Variants in HMCN1 observed in about 807,000 individuals in gnomAD.
HMCN1 encodes the protein hemicentin 1, also known as hemicentin-1.
In HMCN1, 321 loss-of-function variants were observed where a neutral mutation model predicts 625.9. The observed-to-expected ratio is 0.51, with a 90% CI of 0.47 to 0.56. The LOEUF (loss-of-function observed/expected upper bound fraction) is 0.56. Among genes scored for constraint, HMCN1 ranks in the 20% least tolerant of loss-of-function variants. The pLI, the probability that HMCN1 is intolerant of heterozygous loss-of-function variation, is 0.00. For missense variants in HMCN1, 6,588 were observed against 6,887.3 expected, an observed-to-expected ratio of 0.96 and a Z score of 1.54; for synonymous variants, 2,425 against 2,417.6, an observed-to-expected ratio of 1.00 and a Z score of -0.09.
At position 186,082,867 on chromosome 1, in the gene HMCN1, T is replaced by C; in HGVS notation, c.8790T>C (p.Ile2930=). 1 of 1,569,182 alleles carries C rather than the reference T, an allele frequency of 6.4e-7. No individual in the cohort carries two copies. The highest frequency in any genetic ancestry group is 1.4e-5 in the African/African-American group (1 of 73,780). The change falls in exon 57 of 107, where the codon ATT becomes ATC. Residue 2930 remains isoleucine (I), a splice_region_variant and synonymous_variant. Transcript: ENST00000271588. ...KFLSNGRILQ[I]LNTQITDIGR... ...GAATTTCTTCATTTTTCCCTTAGAT[T>C]CTGAATACTCAAATAACAGATATCG...
intron 97 of HMCN1, among the ~76,000 whole-genome samples, chr1:186,159,815 C>T (rs532972042): frequency 5.9e-5 from 9 of 152,246 alleles, no homozygotes; most frequent in South Asian, 2.1e-4. Flanking sequence ...TTGCTGGATT[C>T]GGTTTGCCAG....
intron 1 of HMCN1, among the ~76,000 whole-genome samples, chr1:185,750,809 C>T (rs533377818): frequency 6.6e-6 from 1 of 151,102 alleles, no homozygotes; most frequent in East Asian, 2.0e-4. Flanking sequence ...TCTTTTCCTA[C>T]TGTTGAGTTT....
At chr1:185,863,612 T>C (rs1663004951) in intron 2 of HMCN1, among the ~76,000 whole-genome samples, 1 of 152,182 alleles carries the variant, frequency 6.6e-6, no homozygotes, top group South Asian at 2.1e-4. Flanking sequence ...TAAAATATAA[T>C]GTATAAAAGT....
Position 186,112,902 on chromosome 1 carries a change from G to T in HMCN1, c.11080G>T (p.Ala3694Ser), listed in dbSNP as rs971837941. The change falls in exon 72 of 107, where the codon GCC becomes TCC. Residue 3694 changes from alanine to serine, a missense_variant. Ala to Ser is a moderately conservative substitution (Grantham distance 99). Coordinates refer to ENST00000271588, the MANE Select transcript of HMCN1 (RefSeq NM_031935.3). ...LGDTANYTCVASNIAGKTTRE... is the reference protein window; with the variant it reads ...LGDTANYTCVSSNIAGKTTRE... ...TGATACAGCCAATTATACCTGTGTT[G>T]CCAGCAACATTGCAGGAAAGACTAC... 1.9e-6 allele frequency: 3 copies of T among 1,613,896 alleles called. No individual in the cohort carries two copies. The Admixed American group carries it at 5.0e-5, about 27-fold the overall frequency.
chr1:185,857,588 G>A (rs1164900222), intron 2 of HMCN1, among the ~76,000 whole-genome samples: 1 of 151,990 alleles, frequency 6.6e-6, no homozygotes, highest in East Asian at 1.9e-4. Context: ...AGAGGGGTGT[G>A]GGGGAGAGAT....
chr1:185,949,865 G>A (rs1268681752), intron 11 of HMCN1, among the ~76,000 whole-genome samples: 2 of 151,866 alleles, frequency 1.3e-5, no homozygotes, highest in African/African-American at 4.9e-5. Context: ...GAGGGGGCCT[G>A]AATAATCCCT....
chr1:186,174,593 T>C lies in HMCN1; in HGVS notation c.15894T>C (p.Cys5298=). The C allele has an allele frequency of 1.2e-6, 2 of 1,614,052 alleles. No individual in the cohort carries two copies. The highest frequency in any genetic ancestry group is 1.7e-6 in the Non-Finnish European group (2 of 1,179,910). The part of the protein sequence containing the change: ...ICENTRGSYR[C]VCPRGYRSQG... ...AGAATACAAGAGGCAGCTATCGTTGTGTATGCCCAAGAGGTTATCGGTCTC... is the reference window on the plus strand; with the variant it reads ...AGAATACAAGAGGCAGCTATCGTTGCGTATGCCCAAGAGGTTATCGGTCTC... The change falls in exon 103 of 107, where the codon TGT becomes TGC. Residue 5298 remains cysteine, a synonymous_variant. Transcript: ENST00000271588.
At position 185,981,026 on chromosome 1, in the gene HMCN1, A is replaced by G. The variant is rs1352471887; in HGVS notation, c.2615A>G (p.Gln872Arg). ...KGTYICEAEN[Q>R]FGKIQSETTV... ...ACCTATATTTGTGAAGCTGAAAACC[A>G]GTTTGGAAAGATCCAGTCAGAGACA... The change falls in exon 17 of 107, where the codon CAG (glutamine) becomes CGG (arginine). Residue 872 changes from glutamine to arginine, a missense_variant. Gln to Arg is a conservative substitution (Grantham distance 43). Transcript: ENST00000271588. 2 of 1,612,762 alleles carry G rather than the reference A, an allele frequency of 1.2e-6. No homozygotes were observed. The highest frequency in any genetic ancestry group is 1.7e-6 in the Non-Finnish European group (2 of 1,178,920).
Position 185,933,822 on chromosome 1 carries a change from A to G in HMCN1, c.1826A>G (p.Gln609Arg), listed in dbSNP as rs780402462. The G allele has an allele frequency of 2.5e-6, 4 of 1,612,680 alleles. No individual in the cohort carries two copies. The highest frequency in any genetic ancestry group is 1.7e-5 in the Admixed American group (1 of 60,006). The change falls in exon 11 of 107, where the codon CAA becomes CGA. Residue 609 changes from glutamine (Q) to arginine (R), a missense_variant and splice_region_variant. Physicochemically the swap from Gln to Arg is conservative, Grantham distance 43 (BLOSUM62 1). Coordinates refer to ENST00000271588, the MANE Select transcript of HMCN1 (RefSeq NM_031935.3). ...GCCGCTTCAGTTTTCCTCACAGTGCAAGGTACAGTGCTTTGGTAACTTCTG... is the reference window on the plus strand; with the variant it reads ...GCCGCTTCAGTTTTCCTCACAGTGCGAGGTACAGTGCTTTGGTAACTTCTG... The part of the protein sequence containing the change: ...SSAASVFLTV[Q>R]EPPKVTVMPK...
chr1:185,992,994 G>T (rs988671511), intron 22 of HMCN1, among the ~76,000 whole-genome samples, 188 bp from the exon 23 acceptor site: 13 of 152,122 alleles, frequency 8.5e-5, no homozygotes, highest in African/African-American at 2.9e-4. Flanking sequence ...TTTTATGTTT[G>T]CAGGAAAATC....
At chr1:186,066,281 T>A (rs1263619022) in intron 49 of HMCN1, among the ~76,000 whole-genome samples, 5 of 151,250 alleles carry the variant, frequency 3.3e-5, no homozygotes, top group African/African-American at 1.2e-4. Context: ...ATATATATGT[T>A]CATTCATTCA....
At chr1:185,746,264 A>C (rs1654386677) in intron 1 of HMCN1, among the ~76,000 whole-genome samples, 1 of 152,222 alleles carries the variant, frequency 6.6e-6, no homozygotes. Flanking sequence ...TGGCTCCACC[A>C]GTTACTTGCT....
chr1:185,923,571 C>A lies in HMCN1; in HGVS notation c.1203C>A (p.Phe401Leu). The A allele has an allele frequency of 6.2e-7, 1 of 1,610,862 alleles. No homozygotes were observed. Among genetic ancestry groups the A allele is most frequent in the Non-Finnish European group, 8.5e-7 (1 of 1,178,046 alleles). ...ACTTTGTACCACCAAATGAAGCTTTCTTTCTCAAAGTAACAGGCTATGATA... is the reference window on the plus strand; with the variant it reads ...ACTTTGTACCACCAAATGAAGCTTTATTTCTCAAAGTAACAGGCTATGATA... ...ISDFVPPNEA[F>L]FLKVTGYDKD... The change falls in exon 8 of 107, where the codon TTC becomes TTA. Residue 401 changes from phenylalanine to leucine, a missense_variant. Phe to Leu is a conservative substitution (Grantham distance 22). This residue lies in a region of HMCN1 where 4,628 missense variants were observed against 4,853.1 expected (regional missense o/e 0.95). Coordinates refer to ENST00000271588, the MANE Select transcript of HMCN1 (RefSeq NM_031935.3).
Position 185,763,825 on chromosome 1 carries a change from C to G in HMCN1, c.268+28778C>G, listed in dbSNP as rs983086595. On this transcript the variant is annotated intron_variant, in intron 1 of 106. Coordinates refer to ENST00000271588, the MANE Select transcript of HMCN1 (RefSeq NM_031935.3). ...CATAGCTCTCTGTTATCCAATTACT[C>G]ATGTTCTAAGTTTTATGTGCTATAA... Among the ~76,000 whole-genome samples, 8 of 152,164 alleles carry G rather than the reference C, an allele frequency of 5.3e-5. 1 individual carries two copies. The highest frequency in any genetic ancestry group is 1.7e-4 in the African/African-American group (7 of 41,434).
At chr1:185,879,449 G>A (rs1664157727) in intron 4 of HMCN1, among the ~76,000 whole-genome samples, 1 of 152,086 alleles carries the variant, frequency 6.6e-6, no homozygotes. Flanking sequence ...TGGGATTAGA[G>A]GTGTGAATCA....
At chr1:185,975,558 C>T (rs540915751) in intron 15 of HMCN1, among the ~76,000 whole-genome samples, 4 of 152,154 alleles carry the variant, frequency 2.6e-5, no homozygotes, top group East Asian at 3.9e-4. Context: ...TTGGGGATTA[C>T]GATTCAACAT....
chr1:186,017,671 A>G (rs965393892), intron 33 of HMCN1, among the ~76,000 whole-genome samples: 2 of 152,030 alleles, frequency 1.3e-5, no homozygotes, highest in Non-Finnish European at 1.5e-5. Flanking sequence ...ATGATTTCAA[A>G]GTTTTGTCTA....
At position 186,174,639 on chromosome 1, in the gene HMCN1, A is replaced by G. The variant is rs533893133; in HGVS notation, c.15940A>G (p.Met5314Val). 2 of 1,614,066 alleles carry G rather than the reference A, an allele frequency of 1.2e-6. No homozygotes were observed. Among genetic ancestry groups the G allele is most frequent in the Admixed American group, 1.7e-5 (1 of 60,018 alleles). ...YRSQGVGRPC[M>V]DINECEQVPK... ...GTCTCAAGGAGTTGGAAGACCCTGC[A>G]TGGGTAAGTTAATAGGAACTTGTTG... Residue 5314 changes from methionine (M) to valine (V), a missense_variant, in exon 103 of 107, where the codon ATG becomes GTG. Around this residue, in one of 3 missense-constraint regions of HMCN1, gnomAD observed 1,954 missense variants for 2,013.1 expected, o/e 0.97. Transcript: ENST00000271588.
chr1:186,130,791 C>T (rs1159453807), intron 85 of HMCN1, 94 bp downstream of exon 85: 3 of 1,065,522 alleles, frequency 2.8e-6, no homozygotes, highest in East Asian at 2.4e-5. Context: ...CTCTTACATT[C>T]CTATTTAAAT....
Sources: allele counts gnomAD v4.1 joint callset (sites outside exome capture counted in the v4.1 genomes callset), GRCh38; gene constraint gnomAD v4.1.1; regional missense constraint gnomAD v4.1.1; transcripts MANE v1.5; gene names NCBI Gene and HGNC (gene_info 2026-07-23, HGNC 2026-07-21).